The following ERBB4 variants were observed in gnomAD, a reference collection of about 807,000 sequenced individuals.
ERBB4 encodes erb-b2 receptor tyrosine kinase 4.
ERBB4 carries 42 observed loss-of-function variants against 158.0 expected under a neutral mutation model. The ratio of observed to expected loss-of-function variants is 0.27; its 90% CI spans 0.21 to 0.34. The LOEUF is 0.34. Ranked by LOEUF, ERBB4 falls within the 10% of genes least tolerant of loss-of-function variation. The probability of loss-of-function intolerance (pLI) is 1.00; values close to 1 mark genes in which losing one functional copy is unlikely to be tolerated. For synonymous variants in ERBB4, 583 were observed against 558.7 expected, an observed-to-expected ratio of 1.04 and a Z score of -0.61; for missense variants, 1,333 against 1,624.1, an observed-to-expected ratio of 0.82 and a Z score of 3.08.
chr2:212,183,405 A>G (rs1172128452), intron 1 of ERBB4, among the ~76,000 whole-genome samples: 1 of 152,038 alleles, frequency 6.6e-6, no homozygotes, highest in African/African-American at 2.4e-5. Context: ...AGGTAACTTC[A>G]TAGTTACTGA....
At chr2:212,262,845 C>T (rs1368631117) in intron 1 of ERBB4, among the ~76,000 whole-genome samples, 1 of 152,026 alleles carries the variant, frequency 6.6e-6, no homozygotes, top group East Asian at 1.9e-4. Context: ...AAATGTATGT[C>T]TGGAACTATA....
chr2:211,944,176 A>ATATATATATATAGT (rs1559154416), intron 3 of ERBB4, among the ~76,000 whole-genome samples: 2 of 16,292 alleles, frequency 1.2e-4, no homozygotes, highest in Admixed American at 8.9e-4. Context: ...ATATATATAT[A>ATATATATATATAGT]CTATATATAT....
intron 20 of ERBB4, among the ~76,000 whole-genome samples, chr2:211,435,317 G>T (rs2063825908): frequency 6.6e-6 from 1 of 152,182 alleles, no homozygotes; most frequent in African/African-American, 2.4e-5. Context: ...AACCACAGTT[G>T]ACATTGACCC....
chr2:211,450,770 C>G (rs1263603228), intron 20 of ERBB4, among the ~76,000 whole-genome samples: 3 of 152,128 alleles, frequency 2.0e-5, no homozygotes, highest in Non-Finnish European at 2.9e-5. Context: ...CCATAAGTCT[C>G]TAAACCCTTA....
At chr2:211,724,981 G>T (rs1054137640) in intron 6 of ERBB4, 95 bp downstream of exon 6, 1 of 973,054 alleles carries the variant, frequency 1.0e-6, no homozygotes. Context: ...GGCTAAAGTT[G>T]ATCTGATTGT....
chr2:212,032,042 C>T (rs533005853), intron 2 of ERBB4, among the ~76,000 whole-genome samples: 2 of 152,082 alleles, frequency 1.3e-5, no homozygotes, highest in African/African-American at 2.4e-5. Context: ...ATTAATATTG[C>T]TAAATATTAT....
At chr2:211,464,261 T>A (rs536902752) in intron 20 of ERBB4, among the ~76,000 whole-genome samples, 2 of 152,212 alleles carry the variant, frequency 1.3e-5, no homozygotes, top group Non-Finnish European at 2.9e-5. Flanking sequence ...AGACAGTGCC[T>A]AGAACATACA....
At position 212,077,892 on chromosome 2, in the gene ERBB4, T is replaced by C. The variant is rs1156439969; in HGVS notation, c.234+46860A>G. On this transcript the variant is annotated intron_variant, in intron 2 of 27. Coordinates refer to ENST00000342788, the MANE Select transcript of ERBB4 (RefSeq NM_005235.3). ...AAAATTTTAAAGTGCTGGGTATCTT[T>C]TCTGTCTTAGAACAAAGCCTATTAT... Among the ~76,000 whole-genome samples, 6 of 152,076 alleles carry C rather than the reference T, an allele frequency of 3.9e-5. No homozygotes were observed. In the South Asian group the frequency reaches 6.2e-4, roughly 16 times the overall value.
chr2:211,480,852 A>G (rs996452914), intron 20 of ERBB4, among the ~76,000 whole-genome samples: 1 of 152,204 alleles, frequency 6.6e-6, no homozygotes, highest in East Asian at 1.9e-4. Flanking sequence ...GTAACATATC[A>G]TTCTCCTGAA....
At chr2:211,580,891 A>T (rs1321700641) in intron 19 of ERBB4, among the ~76,000 whole-genome samples, 176 of 14,526 alleles carry the variant, frequency 0.012, 18 homozygotes, top group East Asian at 0.071. Context: ...ATATATATAT[A>T]TATATATATA....
At chr2:211,647,996 C>T (rs2070838873) in intron 16 of ERBB4, among the ~76,000 whole-genome samples, 1 of 151,500 alleles carries the variant, frequency 6.6e-6, no homozygotes, top group Non-Finnish European at 1.5e-5. Context: ...AAGGCTTGTG[C>T]AGTTTTCCAT....
rs148565359 is a variant in ERBB4, at chr2:212,078,747, T to A, written c.234+46005A>T. The stretch of plus-strand genomic sequence containing the variant: ...ACTATTATTCTAATTGTAGTTTTTG[T>A]TTACAAACACAACTATTAATATTAA... On this transcript the variant is annotated intron_variant, in intron 2 of 27. Coordinates refer to ENST00000342788, the MANE Select transcript of ERBB4 (RefSeq NM_005235.3). Among the ~76,000 whole-genome samples the A allele has an allele frequency of 4.7e-3, 713 of 151,732 alleles. 4 individuals are homozygous for A. Among genetic ancestry groups the A allele is most frequent in the African/African-American group, 0.015 (629 of 41,472 alleles).
intron 2 of ERBB4, among the ~76,000 whole-genome samples, chr2:212,003,953 G>A: frequency 6.6e-6 from 1 of 152,138 alleles, no homozygotes; most frequent in East Asian, 1.9e-4. Context: ...GATTAAATGA[G>A]ATAATCTACA....
intron 3 of ERBB4, among the ~76,000 whole-genome samples, chr2:211,923,712 G>A (rs1163629739): frequency 2.0e-5 from 3 of 151,558 alleles, no homozygotes; most frequent in African/African-American, 7.3e-5. Context: ...CATAATCTAA[G>A]TTGTATTGTA....
At chr2:212,364,616 CT>C (rs976146232) in intron 1 of ERBB4, among the ~76,000 whole-genome samples, 1 of 151,686 alleles carries the variant, frequency 6.6e-6, no homozygotes, top group African/African-American at 2.4e-5. Flanking sequence ...CAAATTATAC[CT>C]TTGCTATTCA....
chr2:211,811,708 C>T (rs772309443), intron 3 of ERBB4, among the ~76,000 whole-genome samples: 13 of 152,016 alleles, frequency 8.6e-5, no homozygotes, highest in Admixed American at 3.9e-4. Context: ...AGGCTTTGTT[C>T]GTTTCTTTTT....
chr2:211,555,798 T>C (rs1574740289), intron 20 of ERBB4, among the ~76,000 whole-genome samples: 1 of 152,170 alleles, frequency 6.6e-6, no homozygotes, highest in African/African-American at 2.4e-5. Flanking sequence ...CCATCAGACC[T>C]GCCTTACAAG....
At chr2:212,009,905 GA>G (rs2076344219) in intron 2 of ERBB4, among the ~76,000 whole-genome samples, 1 of 152,114 alleles carries the variant, frequency 6.6e-6, no homozygotes, top group Admixed American at 6.6e-5. Flanking sequence ...CTTGTCTAAA[GA>G]AATACTCTCC....
intron 2 of ERBB4, among the ~76,000 whole-genome samples, chr2:212,000,452 A>G (rs1270292174): frequency 6.6e-6 from 1 of 151,908 alleles, no homozygotes; most frequent in Non-Finnish European, 1.5e-5. Flanking sequence ...TGGTGAAAAC[A>G]ATGTAAGAAA....
Sources: allele counts gnomAD v4.1 joint callset (sites outside exome capture counted in the v4.1 genomes callset), GRCh38; gene constraint gnomAD v4.1.1; transcripts MANE v1.5; gene names NCBI Gene and HGNC (gene_info 2026-07-23, HGNC 2026-07-21).